AFF2: variants seen among roughly 807,000 people sequenced by gnomAD.
AFF2 encodes ALF transcription elongation factor 2.
A neutral mutation model predicts 76.9 loss-of-function variants in AFF2; 14 were observed. That is an observed-to-expected ratio of 0.18 (90% confidence interval 0.12 to 0.28). The LOEUF (loss-of-function observed/expected upper bound fraction) is 0.28. Among genes scored for constraint, AFF2 ranks in the 10% least tolerant of loss-of-function variants. AFF2 has a pLI of 1.00. For missense variants in AFF2, 868 were observed against 1,001.1 expected, an observed-to-expected ratio of 0.87 and a Z score of 1.79; for synonymous variants, 398 against 366.7, an observed-to-expected ratio of 1.09 and a Z score of -0.98.
chrX:148,536,359 C>CT (rs781836004), intron 1 of AFF2, among the ~76,000 whole-genome samples: 1 of 111,609 alleles, frequency 9.0e-6, no homozygotes, highest in Non-Finnish European at 1.9e-5. Flanking sequence ...GCCTGGAGGG[C>CT]TGGGGGTGCC....
At chrX:148,767,494 G>T (rs1486832460) in intron 3 of AFF2, among the ~76,000 whole-genome samples, 1 of 111,851 alleles carries the variant, frequency 8.9e-6, no homozygotes, top group Non-Finnish European at 1.9e-5. Flanking sequence ...CATATAGGCT[G>T]ATTTGCTTCA....
intron 1 of AFF2, among the ~76,000 whole-genome samples, chrX:148,607,588 C>T (rs1305247994): frequency 1.8e-5 from 2 of 111,167 alleles, no homozygotes; most frequent in East Asian, 2.9e-4. Flanking sequence ...TACCCAGTAT[C>T]GAGTATTTCT....
At chrX:148,532,355 T>A (rs2052739078) in intron 1 of AFF2, among the ~76,000 whole-genome samples, 1 of 112,105 alleles carries the variant, frequency 8.9e-6, no homozygotes, top group Non-Finnish European at 1.9e-5. Flanking sequence ...TAAAACAAAT[T>A]GTTTTATTGT....
intron 1 of AFF2, among the ~76,000 whole-genome samples, chrX:148,573,065 G>T (rs782567317): frequency 4.1e-4 from 45 of 111,042 alleles, no homozygotes; most frequent in Non-Finnish European, 7.6e-4. Context: ...ATTTAGAATT[G>T]CTGCTGCATG....
At chrX:148,932,383 A>G (rs1248615781) in intron 9 of AFF2, among the ~76,000 whole-genome samples, 2 of 111,434 alleles carry the variant, frequency 1.8e-5, no homozygotes, top group Non-Finnish European at 3.8e-5. Flanking sequence ...GGCATCTACC[A>G]CTCTATTTGT....
chrX:148,598,375 C>T (rs959376895), intron 1 of AFF2, among the ~76,000 whole-genome samples: 8 of 111,268 alleles, frequency 7.2e-5, no homozygotes, highest in Admixed American at 1.9e-4. Context: ...TCGTCCCCTT[C>T]CCCCTCCCCA....
chrX:148,843,235 C>A, intron 6 of AFF2, 147 bp from the exon 7 acceptor site: 1 of 513,538 alleles, frequency 1.9e-6, no homozygotes, highest in Non-Finnish European at 3.1e-6. Flanking sequence ...ATATATCTAA[C>A]TGGTTCCCCC....
At chrX:148,649,949 G>A (rs1375298578) in intron 1 of AFF2, among the ~76,000 whole-genome samples, 1 of 111,308 alleles carries the variant, frequency 9.0e-6, no homozygotes, top group Non-Finnish European at 1.9e-5. Flanking sequence ...CATCCTGCTC[G>A]CATTACTCAG....
chrX:148,689,908 G>T (rs1308245771), intron 3 of AFF2, among the ~76,000 whole-genome samples: 1 of 112,124 alleles, frequency 8.9e-6, no homozygotes, highest in Non-Finnish European at 1.9e-5. Context: ...AGAAACATGT[G>T]AATCATCTAT....
At chrX:148,778,289 T>A (rs1418983203) in intron 3 of AFF2, among the ~76,000 whole-genome samples, 1 of 111,486 alleles carries the variant, frequency 9.0e-6, no homozygotes, top group Non-Finnish European at 1.9e-5. Flanking sequence ...TCGATGTTCG[T>A]GAGGGATATT....
intron 9 of AFF2, among the ~76,000 whole-genome samples, chrX:148,951,203 A>G (rs1423597604): frequency 9.1e-6 from 1 of 110,269 alleles, no homozygotes; most frequent in African/African-American, 3.3e-5. Flanking sequence ...ACACACCCCA[A>G]TTTTTCTACT....
chrX:148,678,037 T>C (rs1463034562), intron 3 of AFF2, among the ~76,000 whole-genome samples: 1 of 112,390 alleles, frequency 8.9e-6, no homozygotes, highest in African/African-American at 3.2e-5. Context: ...TATGTTTTTT[T>C]CAAATATAGA....
chrX:148,541,637 G>A (rs1204850035), intron 1 of AFF2, among the ~76,000 whole-genome samples: 2 of 111,251 alleles, frequency 1.8e-5, no homozygotes, highest in African/African-American at 3.3e-5. Context: ...CCAAGGAGAT[G>A]GGGGTGGATA....
At chrX:148,628,896 T>A (rs781843099) in intron 1 of AFF2, among the ~76,000 whole-genome samples, 1 of 112,123 alleles carries the variant, frequency 8.9e-6, no homozygotes, top group Non-Finnish European at 1.9e-5. Context: ...AACATTTTTT[T>A]TATGTGTTGG....
chrX:148,755,145 A>G (rs180680014), intron 3 of AFF2, among the ~76,000 whole-genome samples: 19 of 111,591 alleles, frequency 1.7e-4, no homozygotes, highest in African/African-American at 6.2e-4. Context: ...TTTTACTTGC[A>G]CTTATACCAG....
In AFF2 at chrX:148,823,808, A is replaced by G. The variant is rs181712265; in HGVS notation, c.1087-13839A>G. 1.3e-4 allele frequency among the ~76,000 whole-genome samples: 15 copies of G among 111,998 alleles called. No homozygotes were observed. The East Asian group carries it at 4.2e-3, about 32-fold the overall frequency. Reference sequence around the variant, plus strand: ...AATAAGTCTGAGTAGGTAGAAAAAGATACAGCAAGTATTCCCACAAAAGAG... The same window carrying G: ...AATAAGTCTGAGTAGGTAGAAAAAGGTACAGCAAGTATTCCCACAAAAGAG... On this transcript the variant is annotated intron_variant, in intron 4 of 20. Coordinates refer to ENST00000370460, the MANE Select transcript of AFF2 (RefSeq NM_002025.4).
intron 3 of AFF2, among the ~76,000 whole-genome samples, chrX:148,805,243 A>T (rs2070113878): frequency 9.0e-6 from 1 of 111,508 alleles, no homozygotes; most frequent in Admixed American, 9.5e-5. Flanking sequence ...TTTAATTTGC[A>T]ATTAAACTTT....
chrX:148,551,428 A>G (rs1557238866), intron 1 of AFF2, among the ~76,000 whole-genome samples: 2 of 97,884 alleles, frequency 2.0e-5, no homozygotes, highest in Non-Finnish European at 4.1e-5. Flanking sequence ...CCAAATTAGT[A>G]GTAGAACTTA....
chrX:148,905,286 G>A (rs1219031828), intron 9 of AFF2, among the ~76,000 whole-genome samples: 1 of 112,214 alleles, frequency 8.9e-6, no homozygotes, highest in African/African-American at 3.2e-5. Flanking sequence ...ATTTTTCTTA[G>A]GCCAAAGAAT....
Sources: allele counts gnomAD v4.1 joint callset (sites outside exome capture counted in the v4.1 genomes callset), GRCh38; gene constraint gnomAD v4.1.1; transcripts MANE v1.5; gene names NCBI Gene and HGNC (gene_info 2026-07-23, HGNC 2026-07-21).